Variants in DIPK1A observed in about 807,000 individuals in gnomAD.
The protein encoded by DIPK1A is divergent protein kinase domain 1A, also known as family with sequence similarity 69 member A.
A neutral mutation model predicts 40.8 loss-of-function variants in DIPK1A; 27 were observed. The observed-to-expected ratio is 0.66, with a 90% CI of 0.49 to 0.91. The LOEUF (loss-of-function observed/expected upper bound fraction) is 0.91, where lower values mean the gene tolerates loss of function less well. Among genes scored for constraint, DIPK1A ranks in the 40% least tolerant of loss-of-function variants. The pLI is 0.00. For synonymous variants in DIPK1A, 166 were observed against 171.3 expected, an observed-to-expected ratio of 0.97 and a Z score of 0.24; for missense variants, 412 against 505.7, an observed-to-expected ratio of 0.81 and a Z score of 1.78.
intron 1 of DIPK1A, among the ~76,000 whole-genome samples, chr1:92,939,329 G>A (rs1309567886): frequency 1.3e-5 from 2 of 152,004 alleles, no homozygotes; most frequent in Non-Finnish European, 2.9e-5. Context: ...CTACATAACC[G>A]AATGACTTTT....
intron 4 of DIPK1A, chr1:92,836,912 G>A: frequency 4.5e-6 from 1 of 223,436 alleles, no homozygotes; most frequent in East Asian, 1.2e-4. Flanking sequence ...TGTTGAGTCT[G>A]TGCATCTTGA....
chr1:92,887,972 A>G (rs1557470316), intron 1 of DIPK1A, among the ~76,000 whole-genome samples: 2 of 151,808 alleles, frequency 1.3e-5, no homozygotes, highest in Admixed American at 1.3e-4. Context: ...TTAAATAATA[A>G]TCTAGTATGG....
chr1:92,851,623 G>T (rs1389371416), intron 2 of DIPK1A, among the ~76,000 whole-genome samples: 3 of 142,986 alleles, frequency 2.1e-5, no homozygotes, highest in Non-Finnish European at 4.6e-5. Flanking sequence ...CTGTCACATT[G>T]TCATCCTTGA....
chr1:92,950,696 G>A (rs937771105), intron 1 of DIPK1A, among the ~76,000 whole-genome samples: 4 of 152,146 alleles, frequency 2.6e-5, no homozygotes, highest in African/African-American at 4.8e-5. Context: ...AGGAAACAGA[G>A]GGAGAGCCTG....
intron 1 of DIPK1A, among the ~76,000 whole-genome samples, chr1:92,902,904 G>T (rs1557477852): frequency 6.6e-6 from 1 of 152,166 alleles, no homozygotes; most frequent in African/African-American, 2.4e-5. Flanking sequence ...ACCACGAGGG[G>T]CTTCTAGTCG....
downstream of DIPK1A, chr1:92,837,554 G>A (rs775560628): frequency 6.2e-6 from 10 of 1,611,962 alleles, no homozygotes; most frequent in South Asian, 1.1e-5. Flanking sequence ...GATTACATGC[G>A]CTACTTAATG....
chr1:92,843,177 C>A lies in DIPK1A; in HGVS notation c.*206G>T. Reference sequence around the variant, plus strand: ...AATGTACTTCGGAGATGTAACAGGGCTTCTAAAAGGGCAGGAATGACATCT... The same window carrying A: ...AATGTACTTCGGAGATGTAACAGGGATTCTAAAAGGGCAGGAATGACATCT... On this transcript the variant is annotated 3_prime_UTR_variant, in exon 5 of 5. Coordinates refer to ENST00000370310, the MANE Select transcript of DIPK1A (RefSeq NM_001006605.5). 1 of 1,322,980 alleles carries A rather than the reference C, an allele frequency of 7.6e-7. No individual in the cohort carries two copies. The highest frequency in any genetic ancestry group is 9.7e-7 in the Non-Finnish European group (1 of 1,033,020). The allele number at this position is 1,322,980 out of a possible 1,614,324, so 82.0% of individuals were successfully genotyped here.
At chr1:92,951,606 C>T (rs1651636237) in intron 1 of DIPK1A, among the ~76,000 whole-genome samples, 1 of 152,108 alleles carries the variant, frequency 6.6e-6, no homozygotes, top group African/African-American at 2.4e-5. Flanking sequence ...TGTGGTAATT[C>T]GTTACAGGAG....
chr1:92,894,489 A>G (rs2481715), intron 1 of DIPK1A, among the ~76,000 whole-genome samples: 103,480 of 151,438 alleles, frequency 0.68, 35,912 homozygotes, highest in East Asian at 0.95. Flanking sequence ...GAATCTCTGG[A>G]ACACATTCAA....
intron 1 of DIPK1A, among the ~76,000 whole-genome samples, chr1:92,937,788 A>G (rs1006489926): frequency 6.6e-6 from 1 of 152,058 alleles, no homozygotes; most frequent in Non-Finnish European, 1.5e-5. Context: ...TTCAATATTC[A>G]TGTTATACTT....
At chr1:92,932,138 T>G in intron 1 of DIPK1A, 1 of 229,374 alleles carries the variant, frequency 4.4e-6, no homozygotes, top group South Asian at 5.2e-5. Context: ...AATATGTAAA[T>G]TTTTAAATAT....
chr1:92,841,802 G>A (rs758483322), downstream of DIPK1A: 2 of 1,611,756 alleles, frequency 1.2e-6, no homozygotes, highest in South Asian at 2.2e-5. Flanking sequence ...CTCAGAAGAA[G>A]GATCGGGTAG....
At chr1:92,910,195 T>C (rs1649777129) in intron 1 of DIPK1A, among the ~76,000 whole-genome samples, 1 of 152,234 alleles carries the variant, frequency 6.6e-6, no homozygotes, top group Non-Finnish European at 1.5e-5. Flanking sequence ...ACAAATCCTC[T>C]ATGCCACAGA....
chr1:92,955,708 A>G (rs1413700726), intron 1 of DIPK1A, among the ~76,000 whole-genome samples: 3 of 150,724 alleles, frequency 2.0e-5, no homozygotes, highest in East Asian at 3.9e-4. Context: ...AAAAAAAAAA[A>G]AAAAGAAAAG....
chr1:92,950,312 T>C (rs1434988177), intron 1 of DIPK1A, among the ~76,000 whole-genome samples: 2 of 152,132 alleles, frequency 1.3e-5, no homozygotes, highest in East Asian at 3.8e-4. Flanking sequence ...TCAGGATTGA[T>C]AGAGCAAATG....
At chr1:92,837,767 T>C, downstream of DIPK1A, 1 of 745,678 alleles carries the variant, frequency 1.3e-6, no homozygotes. Flanking sequence ...AACATTCTTT[T>C]AGTAATCTTT....
At chr1:92,840,716 A>G (rs1687324316), downstream of DIPK1A, 2 of 1,079,168 alleles carry the variant, frequency 1.9e-6, no homozygotes, top group African/African-American at 1.5e-5. Context: ...TGTTGGTGTA[A>G]TTGTGCAAAC....
At chr1:92,841,906 A>C, downstream of DIPK1A, 2 of 1,405,322 alleles carry the variant, frequency 1.4e-6, no homozygotes, top group Non-Finnish European at 2.0e-6. Flanking sequence ...ATAGATAATA[A>C]ACTTATGAAC....
intron 1 of DIPK1A, among the ~76,000 whole-genome samples, chr1:92,891,056 T>C (rs937420854): frequency 6.6e-6 from 1 of 151,764 alleles, no homozygotes; most frequent in African/African-American, 2.4e-5. Context: ...AGAATGTTTA[T>C]GTCCAAAAAT....
Sources: allele counts gnomAD v4.1 joint callset (sites outside exome capture counted in the v4.1 genomes callset), GRCh38; gene constraint gnomAD v4.1.1; transcripts MANE v1.5; gene names NCBI Gene and HGNC (gene_info 2026-07-23, HGNC 2026-07-21).